CADPS: variants seen among roughly 807,000 people sequenced by gnomAD.
CADPS encodes the protein calcium-dependent secretion activator 1.
CADPS carries 57 observed loss-of-function variants against 167.3 expected under a neutral mutation model. That is an observed-to-expected ratio of 0.34 (90% CI 0.28 to 0.42). The LOEUF (loss-of-function observed/expected upper bound fraction) is 0.42, where lower values mean the gene tolerates loss of function less well. CADPS is among the 20% of genes least tolerant of loss of function. The probability of loss-of-function intolerance (pLI) is 1.00; values close to 1 mark genes in which losing one functional copy is unlikely to be tolerated. For synonymous variants in CADPS, 676 were observed against 635.3 expected (o/e 1.06, Z -0.96); for missense variants, 1,414 against 1,738.1 (o/e 0.81, Z 3.32).
intron 27 of CADPS, chr3:62,439,010 A>G (rs563220333): frequency 4.6e-5 from 7 of 152,214 alleles, no homozygotes; most frequent in African/African-American, 1.4e-4. Flanking sequence ...AGTAAAAAAA[A>G]AAAGAAACTC....
At chr3:62,411,742 C>T (rs1161731897) in intron 28 of CADPS, among the ~76,000 whole-genome samples, 1 of 152,192 alleles carries the variant, frequency 6.6e-6, no homozygotes. Context: ...AACCCTGGCA[C>T]GTTCAAGCCG....
intron 29 of CADPS, among the ~76,000 whole-genome samples, chr3:62,400,649 G>C (rs1215489832): frequency 1.3e-5 from 2 of 149,132 alleles, no homozygotes; most frequent in Non-Finnish European, 3.0e-5. Context: ...ACCCAGGCTG[G>C]AGTGCAGCAG....
rs559831290 is a variant in CADPS at position 62,533,853 on chromosome 3, C to A, written c.2104-795G>T. ...TGTAATTCCATTAAACTGAGAGGAACTTCTTGTGTCCTGGTTTAGAGTTTT... is the reference window on the plus strand; with the variant it reads ...TGTAATTCCATTAAACTGAGAGGAAATTCTTGTGTCCTGGTTTAGAGTTTT... On this transcript the variant is annotated intron_variant, in intron 12 of 29. Transcript: ENST00000383710. Among the ~76,000 whole-genome samples the A allele has an allele frequency of 3.9e-5, 6 of 152,300 alleles. No individual in the cohort carries two copies. The South Asian group carries it at 1.2e-3, about 32-fold the overall frequency.
intron 1 of CADPS, among the ~76,000 whole-genome samples, chr3:62,856,834 C>G (rs993110451): frequency 4.7e-5 from 7 of 149,282 alleles, no homozygotes; most frequent in African/African-American, 1.7e-4. Flanking sequence ...TACACCAATA[C>G]AAATTTCAAA....
At chr3:62,575,830 T>C (rs2082158860) in intron 8 of CADPS, among the ~76,000 whole-genome samples, 1 of 152,294 alleles carries the variant, frequency 6.6e-6, no homozygotes, top group South Asian at 2.1e-4. Context: ...GCTGGTGGGA[T>C]CAGAGAAAAA....
chr3:62,576,886 G>A (rs1441565898), intron 8 of CADPS, among the ~76,000 whole-genome samples: 4 of 146,582 alleles, frequency 2.7e-5, no homozygotes. Flanking sequence ...AGGTACACAT[G>A]TCTGGGTTTG....
chr3:62,496,540 G>T (rs994401140), intron 18 of CADPS, among the ~76,000 whole-genome samples: 1 of 152,140 alleles, frequency 6.6e-6, no homozygotes, highest in South Asian at 2.1e-4. Flanking sequence ...TTAGCAATTT[G>T]TTCCTCATAA....
At chr3:62,786,008 T>C (rs2092386841) in intron 1 of CADPS, among the ~76,000 whole-genome samples, 1 of 148,256 alleles carries the variant, frequency 6.7e-6, no homozygotes, top group South Asian at 2.1e-4. Flanking sequence ...AGGCCAGGAG[T>C]TCAAAACCAG....
intron 3 of CADPS, among the ~76,000 whole-genome samples, chr3:62,751,375 A>T (rs1347594241): frequency 1.3e-5 from 2 of 152,176 alleles, no homozygotes; most frequent in East Asian, 3.9e-4. Context: ...CAATAATCAG[A>T]TTTAGATATG....
chr3:62,787,488 A>G (rs2152708810), intron 1 of CADPS, among the ~76,000 whole-genome samples: 1 of 152,340 alleles, frequency 6.6e-6, no homozygotes, highest in East Asian at 1.9e-4. Context: ...GATAAATACA[A>G]CCAAAACATT....
Position 62,518,159 on chromosome 3 carries a change from T to C in CADPS, c.2383A>G (p.Thr795Ala), listed in dbSNP as rs35912235. The change falls in exon 14 of 30, where the codon ACA (threonine) becomes GCA (alanine). Residue 795 changes from threonine to alanine, a missense_variant. By Grantham distance (58) the Thr-to-Ala change is moderately conservative. This residue lies in a region of CADPS where 529 missense variants were observed against 629.6 expected (regional missense o/e 0.84). Coordinates refer to ENST00000383710, the MANE Select transcript of CADPS (RefSeq NM_003716.4). ...RLRVLLENQI[T>A]HFRYCFPFGR... is the part of the protein sequence containing the mutation. ...GCCCCAGATCCTTACCTAAAATGTG[T>C]AATCTGATTTTCTAGCAGAACTCGG... 5.0e-3 allele frequency: 7,977 copies of C among 1,610,476 alleles called. 24 individuals carry two copies. Among genetic ancestry groups the C allele is most frequent in the Non-Finnish European group, 6.3e-3 (7,425 of 1,177,514 alleles).
chr3:62,665,787 T>G (rs2074292430), intron 3 of CADPS, among the ~76,000 whole-genome samples: 1 of 152,180 alleles, frequency 6.6e-6, no homozygotes, highest in South Asian at 2.1e-4. Flanking sequence ...TGTGTGACCT[T>G]GGGCAAGTTA....
chr3:62,576,419 C>G (rs2082268473), intron 8 of CADPS, among the ~76,000 whole-genome samples: 1 of 152,026 alleles, frequency 6.6e-6, no homozygotes, highest in Non-Finnish European at 1.5e-5. Flanking sequence ...GTGTCAAGAG[C>G]TTAGCACGCT....
intron 1 of CADPS, among the ~76,000 whole-genome samples, chr3:62,832,282 C>A (rs2075224770): frequency 6.6e-6 from 1 of 152,152 alleles, no homozygotes; most frequent in Admixed American, 6.6e-5. Context: ...TTGAGAGCCA[C>A]CAATCCATGC....
chr3:62,541,759 T>C (rs2075737696), intron 11 of CADPS, among the ~76,000 whole-genome samples: 1 of 152,152 alleles, frequency 6.6e-6, no homozygotes, highest in South Asian at 2.1e-4. Flanking sequence ...TTGATCATGA[T>C]ATTTGGGTTC....
At chr3:62,598,889 T>C (rs1288897332) in intron 6 of CADPS, among the ~76,000 whole-genome samples, 1 of 152,210 alleles carries the variant, frequency 6.6e-6, no homozygotes, top group Non-Finnish European at 1.5e-5. Flanking sequence ...GTTGGGCCAC[T>C]CTGGCTTTTT....
intron 1 of CADPS, among the ~76,000 whole-genome samples, chr3:62,818,703 T>C (rs1354876810): frequency 1.3e-5 from 2 of 152,176 alleles, no homozygotes; most frequent in Non-Finnish European, 2.9e-5. Flanking sequence ...TGGAAACATA[T>C]GTGCACAGAA....
intron 5 of CADPS, among the ~76,000 whole-genome samples, chr3:62,646,403 C>T (rs1320161711): frequency 6.6e-6 from 1 of 151,870 alleles, no homozygotes; most frequent in Admixed American, 6.6e-5. Context: ...AACTCCTGAC[C>T]TCAGGCACTA....
chr3:62,647,092 G>T (rs1177259991), intron 5 of CADPS, among the ~76,000 whole-genome samples: 1 of 152,094 alleles, frequency 6.6e-6, no homozygotes, highest in Non-Finnish European at 1.5e-5. Context: ...AGAGAAGAAA[G>T]AGATCAATTT....
Sources: allele counts gnomAD v4.1 joint callset (sites outside exome capture counted in the v4.1 genomes callset), GRCh38; gene constraint gnomAD v4.1.1; regional missense constraint gnomAD v4.1.1; transcripts MANE v1.5; gene names NCBI Gene and HGNC (gene_info 2026-07-23, HGNC 2026-07-21).